EPB41: variants seen among roughly 807,000 people sequenced by gnomAD.
The protein encoded by EPB41 is protein 4.1.
In EPB41, 65 loss-of-function variants were observed where a neutral mutation model predicts 108.0. The ratio of observed to expected loss-of-function variants is 0.60; its 90% confidence interval spans 0.49 to 0.74. EPB41 has a LOEUF of 0.74. Ranked by LOEUF, EPB41 falls within the 30% of genes least tolerant of loss-of-function variation. The pLI is 0.00. For synonymous variants in EPB41, 336 were observed against 358.9 expected, an observed-to-expected ratio of 0.94 and a Z score of 0.72; for missense variants, 875 against 1,037.0, an observed-to-expected ratio of 0.84 and a Z score of 2.15.
In EPB41 at chr1:28,887,661, C is replaced by A. The variant is rs2089584409; in HGVS notation, c.-8+451C>A. On this transcript the variant is annotated intron_variant, in intron 1 of 16. Transcript: ENST00000347529. The surrounding 1 kb of genome is among the most constrained non-coding windows in gnomAD (Gnocchi z 4.9). ...TGGCGGCTAGCAGCGGGAGGGGGCT[C>A]CGGGGCCTGGAGCCCCGCGCCCCGC... 2.0e-6 allele frequency: 2 copies of A among 985,120 alleles called. No homozygotes were observed. The highest frequency in any genetic ancestry group is 2.4e-6 in the Non-Finnish European group (2 of 829,858). 61.0% of individuals were successfully genotyped at this position (985,120 alleles called of 1,614,324 possible).
At chr1:29,070,028 GT>G in intron 16 of EPB41, 1 of 176,624 alleles carries the variant, frequency 5.7e-6, no homozygotes, top group South Asian at 2.0e-4. Context: ...TGCCCAATTA[GT>G]GATTGGCAGC....
chr1:28,916,321 CAGTA>C (rs754769405), intron 1 of EPB41, among the ~76,000 whole-genome samples: 2 of 152,162 alleles, frequency 1.3e-5, no homozygotes, highest in Non-Finnish European at 2.9e-5. Context: ...GAAACAAGTA[CAGTA>C]TATCTTTGGC....
intron 16 of EPB41, among the ~76,000 whole-genome samples, chr1:29,088,783 C>T (rs182128875): frequency 9.2e-5 from 14 of 152,172 alleles, no homozygotes; most frequent in African/African-American, 2.9e-4. Flanking sequence ...AAGTTAAAGT[C>T]GGGTTTGCTG....
intron 16 of EPB41, among the ~76,000 whole-genome samples, chr1:29,082,069 GCTGT>G (rs2151273474): frequency 6.6e-6 from 1 of 152,260 alleles, no homozygotes; most frequent in East Asian, 1.9e-4. Flanking sequence ...TATAATAATA[GCTGT>G]CTGTTGCATT....
At chr1:29,070,098 A>C (rs113762198) in intron 16 of EPB41, 34 of 303,570 alleles carry the variant, frequency 1.1e-4, no homozygotes, top group African/African-American at 6.8e-4. Flanking sequence ...AGGAAGAATA[A>C]ATAACATAGC....
chr1:28,909,599 T>C (rs898034165), upstream of EPB41, among the ~76,000 whole-genome samples: 1 of 152,128 alleles, frequency 6.6e-6, no homozygotes, highest in African/African-American at 2.4e-5. Flanking sequence ...AGTTCAAGAC[T>C]AGTCTCCACA....
chr1:29,077,757 G>A (rs1046180732), intron 16 of EPB41, among the ~76,000 whole-genome samples: 1 of 152,124 alleles, frequency 6.6e-6, no homozygotes, highest in African/African-American at 2.4e-5. Context: ...CCATTGTAGA[G>A]TGAAAGTAGT....
chr1:28,970,932 C>T (rs2095477691), intron 1 of EPB41, among the ~76,000 whole-genome samples: 1 of 152,098 alleles, frequency 6.6e-6, no homozygotes, highest in Non-Finnish European at 1.5e-5. Context: ...ACTGCAGCCT[C>T]CACCTCCCAG....
intron 8 of EPB41, among the ~76,000 whole-genome samples, chr1:29,031,567 C>T (rs938385264): frequency 1.3e-5 from 2 of 152,030 alleles, no homozygotes; most frequent in Non-Finnish European, 2.9e-5. Flanking sequence ...CATTTCAGGC[C>T]CCATCCCAGG....
chr1:29,101,105 TC>T (rs1216965072), intron 17 of EPB41, among the ~76,000 whole-genome samples: 1 of 151,846 alleles, frequency 6.6e-6, no homozygotes, highest in Non-Finnish European at 1.5e-5. Context: ...ATGCCTGTAA[TC>T]CCAGCTAGTC....
intron 10 of EPB41, among the ~76,000 whole-genome samples, chr1:29,039,007 A>G (rs1640521653): frequency 6.6e-6 from 1 of 152,186 alleles, no homozygotes; most frequent in Non-Finnish European, 1.5e-5. Context: ...GTGCTGTAAA[A>G]ACATTTTGAA....
At chr1:28,953,349 AATTG>A (rs1213381850) in intron 1 of EPB41, among the ~76,000 whole-genome samples, 1 of 151,730 alleles carries the variant, frequency 6.6e-6, no homozygotes, top group African/African-American at 2.4e-5. Flanking sequence ...ATTTACACAT[AATTG>A]AATCTTAAAA....
At chr1:29,002,469 G>C (rs1457460382) in intron 4 of EPB41, among the ~76,000 whole-genome samples, 6 of 151,680 alleles carry the variant, frequency 4.0e-5, no homozygotes, top group East Asian at 1.9e-4. Flanking sequence ...AAAAAAGATA[G>C]TATTATTGTT....
At chr1:29,079,530 C>T (rs1655544338) in intron 16 of EPB41, among the ~76,000 whole-genome samples, 1 of 151,640 alleles carries the variant, frequency 6.6e-6, no homozygotes, top group Non-Finnish European at 1.5e-5. Context: ...CCTGCCTCAG[C>T]TTCCCAAGTA....
intron 1 of EPB41, among the ~76,000 whole-genome samples, chr1:28,964,982 A>G (rs1329867127): frequency 2.0e-5 from 3 of 152,118 alleles, no homozygotes; most frequent in Non-Finnish European, 2.9e-5. Context: ...ATATATTACT[A>G]TATAATTGCT....
At chr1:28,964,102 A>G (rs2095297371) in intron 1 of EPB41, among the ~76,000 whole-genome samples, 2 of 152,130 alleles carry the variant, frequency 1.3e-5, no homozygotes, top group South Asian at 4.2e-4. Flanking sequence ...TCTCTCACAC[A>G]CACATTAACA....
intron 16 of EPB41, chr1:29,072,362 G>T (rs890167856): frequency 1.3e-5 from 2 of 151,840 alleles, no homozygotes; most frequent in Non-Finnish European, 2.9e-5. Flanking sequence ...CTATAGAATT[G>T]GTTAGATTAT....
Position 29,119,338 on chromosome 1 carries a change from G to A in EPB41, c.*2526G>A, listed in dbSNP as rs1486228585. ...AAGAAAAACAGACTCTGTCCAGGTA[G>A]AAATGGTGAGGAGGGGGAAGAGAAT... On this transcript the variant is annotated 3_prime_UTR_variant, in exon 21 of 21. Coordinates refer to ENST00000343067, the MANE Select transcript of EPB41 (RefSeq NM_001376013.1). 6.5e-6 allele frequency: 1 copy of A among 152,674 alleles called. No individual in the cohort carries two copies. Among genetic ancestry groups the A allele is most frequent in the Non-Finnish European group, 1.5e-5 (1 of 68,054 alleles). 9.5% of individuals were successfully genotyped at this position (152,674 alleles called of 1,614,324 possible). A position where few individuals can be genotyped will look rare whatever the true frequency, so the allele number is the denominator to read the frequency against.
At chr1:28,902,454 T>G (rs774278945) in intron 1 of EPB41, 24 of 899,506 alleles carry the variant, frequency 2.7e-5, no homozygotes, top group Non-Finnish European at 3.2e-5. Context: ...AGCAGAGAGC[T>G]GTGCTAGACA....
Sources: allele counts gnomAD v4.1 joint callset (sites outside exome capture counted in the v4.1 genomes callset), GRCh38; gene constraint gnomAD v4.1.1; non-coding constraint Gnocchi (gnomAD v3.1); transcripts MANE v1.5; gene names NCBI Gene and HGNC (gene_info 2026-07-23, HGNC 2026-07-21).